Variants in MARCHF8 observed in about 807,000 individuals in gnomAD.
MARCHF8 encodes membrane associated ring-CH-type finger 8.
In MARCHF8, 40 loss-of-function variants were observed where a neutral mutation model predicts 51.6. That is an observed-to-expected ratio of 0.77 (90% CI 0.60 to 1.01). The LOEUF is 1.01. Ranked by LOEUF, MARCHF8 falls within the 50% of genes least tolerant of loss-of-function variation. MARCHF8 has a pLI of 0.00. For missense variants in MARCHF8, 685 were observed against 708.6 expected, an observed-to-expected ratio of 0.97 and a Z score of 0.38; for synonymous variants, 263 against 280.3, an observed-to-expected ratio of 0.94 and a Z score of 0.62.
intron 1 of MARCHF8, among the ~76,000 whole-genome samples, chr10:45,571,990 CG>C (rs1440302882): frequency 6.6e-6 from 1 of 152,180 alleles, no homozygotes; most frequent in Non-Finnish European, 1.5e-5. Flanking sequence ...CTTATCACCG[CG>C]GGGACGCCTG....
intron 1 of MARCHF8, among the ~76,000 whole-genome samples, chr10:45,551,940 T>C (rs2044200297): frequency 6.6e-6 from 1 of 152,142 alleles, no homozygotes; most frequent in Non-Finnish European, 1.5e-5. Flanking sequence ...TTTAGATCAT[T>C]CCTTGCAGGG....
intron 1 of MARCHF8, among the ~76,000 whole-genome samples, chr10:45,545,941 T>C (rs888655418): frequency 1.3e-5 from 2 of 152,168 alleles, no homozygotes; most frequent in Non-Finnish European, 2.9e-5. Context: ...TCCTGCCTTT[T>C]ACTGAAACGA....
chr10:45,591,420 T>A (rs1159893103), intron 1 of MARCHF8, among the ~76,000 whole-genome samples: 3 of 151,368 alleles, frequency 2.0e-5, no homozygotes, highest in Admixed American at 1.3e-4. Flanking sequence ...GCCAAGATGG[T>A]GCCACTGCAC....
rs2043030926 is a variant in MARCHF8 at position 45,488,826 on chromosome 10, T to C, written c.153+541A>G. Among the ~76,000 whole-genome samples the C allele has an allele frequency of 2.0e-5, 3 of 152,180 alleles. 1 individual carries two copies. ...GTCCACTAGAGCCAAGATGCCTCCT[T>C]CTTCCAAATATACTCTTTTGTCTCT... On this transcript the variant is annotated intron_variant, in intron 3 of 7. Coordinates refer to ENST00000453424, the MANE Select transcript of MARCHF8 (RefSeq NM_001282866.2).
intron 3 of MARCHF8, among the ~76,000 whole-genome samples, chr10:45,484,380 C>A (rs34654893): frequency 6.6e-6 from 1 of 150,912 alleles, no homozygotes; most frequent in African/African-American, 2.4e-5. Flanking sequence ...AAGGACCCTG[C>A]GGTGAGGTGA....
intron 3 of MARCHF8, among the ~76,000 whole-genome samples, chr10:45,480,680 G>T (rs554647187): frequency 6.6e-6 from 1 of 152,312 alleles, no homozygotes; most frequent in African/African-American, 2.4e-5. Context: ...CAAATGTCAA[G>T]AATTGAGATT....
intron 1 of MARCHF8, among the ~76,000 whole-genome samples, chr10:45,540,538 G>A (rs1398354001): frequency 6.6e-6 from 1 of 151,920 alleles, no homozygotes; most frequent in South Asian, 2.1e-4. Context: ...ACACCAAAAG[G>A]AATGGCAACA....
chr10:45,568,184 T>C (rs2044385778), intron 1 of MARCHF8, among the ~76,000 whole-genome samples: 1 of 152,190 alleles, frequency 6.6e-6, no homozygotes, highest in Non-Finnish European at 1.5e-5. Flanking sequence ...AGTCTTTAGG[T>C]TTTTCCAAAT....
At chr10:45,515,419 G>A (rs768485239) in intron 2 of MARCHF8, among the ~76,000 whole-genome samples, 7 of 152,038 alleles carry the variant, frequency 4.6e-5, no homozygotes, top group Admixed American at 1.3e-4. Context: ...TCTGTTCCTC[G>A]CTGCTTCTAA....
Position 45,542,493 on chromosome 10 carries a change from A to T in MARCHF8, c.-78-9204T>A, listed in dbSNP as rs183579450. Among the ~76,000 whole-genome samples, 7 of 152,170 alleles carry T rather than the reference A, an allele frequency of 4.6e-5. No homozygotes were observed. In the East Asian group the frequency reaches 1.3e-3, roughly 29 times the overall value. Reference sequence around the variant, plus strand: ...CTTCAATGCAGAAATAGCGCATTTGAGTAAGGGATCTTACTCCAAGCCTCG... The same window carrying T: ...CTTCAATGCAGAAATAGCGCATTTGTGTAAGGGATCTTACTCCAAGCCTCG... On this transcript the variant is annotated intron_variant, in intron 1 of 6. Transcript: ENST00000319836.
At chr10:45,580,396 T>C (rs1207834126) in intron 1 of MARCHF8, among the ~76,000 whole-genome samples, 1 of 152,138 alleles carries the variant, frequency 6.6e-6, no homozygotes, top group East Asian at 1.9e-4. Context: ...TGAACACCTG[T>C]CCCAGTCTCC....
chr10:45,552,781 C>T (rs17157928), intron 1 of MARCHF8, among the ~76,000 whole-genome samples: 9,390 of 152,210 alleles, frequency 0.062, 333 homozygotes, highest in Non-Finnish European at 0.066. Flanking sequence ...TAACAATGTG[C>T]ATATTTCTGC....
At chr10:45,590,049 C>T (rs2044661203) in intron 1 of MARCHF8, among the ~76,000 whole-genome samples, 1 of 152,210 alleles carries the variant, frequency 6.6e-6, no homozygotes, top group Admixed American at 6.5e-5. Flanking sequence ...AATTTCTCCA[C>T]AACATCACCA....
At chr10:45,482,838 C>T (rs1449979038) in intron 3 of MARCHF8, among the ~76,000 whole-genome samples, 1 of 152,160 alleles carries the variant, frequency 6.6e-6, no homozygotes, top group Non-Finnish European at 1.5e-5. Flanking sequence ...AATAAATCCA[C>T]GTACTTACTG....
chr10:45,496,422 C>T (rs749354081), intron 2 of MARCHF8, among the ~76,000 whole-genome samples: 15 of 152,004 alleles, frequency 9.9e-5, no homozygotes, highest in Admixed American at 5.2e-4. Context: ...TAATATCAGA[C>T]GAAACAGAAT....
intron 3 of MARCHF8, among the ~76,000 whole-genome samples, chr10:45,473,756 GA>G (rs1230670213): frequency 6.6e-6 from 1 of 152,152 alleles, no homozygotes; most frequent in Non-Finnish European, 1.5e-5. Flanking sequence ...GTACTCACAT[GA>G]ACAGCCACAG....
intron 2 of MARCHF8, among the ~76,000 whole-genome samples, chr10:45,498,492 T>C (rs2043216645): frequency 6.6e-6 from 1 of 152,084 alleles, no homozygotes; most frequent in Non-Finnish European, 1.5e-5. Flanking sequence ...AGCCTTTTTT[T>C]TTTTGAGAAG....
At chr10:45,528,878 T>C (rs1253023980) in intron 2 of MARCHF8, among the ~76,000 whole-genome samples, 2 of 152,140 alleles carry the variant, frequency 1.3e-5, no homozygotes, top group Admixed American at 6.5e-5. Context: ...AGAATCAGTA[T>C]CATTAAAATG....
At chr10:45,519,074 A>G (rs1279737544) in intron 2 of MARCHF8, among the ~76,000 whole-genome samples, 1 of 152,194 alleles carries the variant, frequency 6.6e-6, no homozygotes, top group Non-Finnish European at 1.5e-5. Context: ...GATTTCACCA[A>G]CTGCTGTCTT....
Sources: gnomAD v4.1 joint callset for allele counts (sites outside exome capture counted in the v4.1 genomes callset) on GRCh38, gnomAD v4.1.1 for gene constraint, MANE v1.5 for transcripts, NCBI Gene and HGNC (gene_info 2026-07-23, HGNC 2026-07-21) for gene names.